ZNF141: variants seen among roughly 807,000 people sequenced by gnomAD.
ZNF141 encodes the protein zinc finger protein 141 (clone pHZ-44).
ZNF141 carries 7 observed loss-of-function variants against 11.3 expected under a neutral mutation model. That is an observed-to-expected ratio of 0.62 (90% CI 0.35 to 1.16). The LOEUF is 1.16. Ranked by LOEUF, ZNF141 falls within the 50% of genes most tolerant of loss-of-function variation. ZNF141 has a pLI of 0.02. For synonymous variants in ZNF141, 183 were observed against 190.7 expected, an observed-to-expected ratio of 0.96 and a Z score of 0.33; for missense variants, 535 against 554.0, an observed-to-expected ratio of 0.97 and a Z score of 0.34.
Position 380,491 on chromosome 4 carries a change from C to A in ZNF141, c.*6629C>A, listed in dbSNP as rs10026282. 0.48 allele frequency among the ~76,000 whole-genome samples: 73,295 copies of A among 151,572 alleles called. 19,646 individuals carry two copies. Among genetic ancestry groups the A allele is most frequent in the African/African-American group, 0.74 (30,490 of 41,328 alleles). ...ACATGGTGAAACCCCGTCTCTACTA[C>A]AAATATAAAAATTAGCTGGGTGTGG... On this transcript the variant is annotated 3_prime_UTR_variant, in exon 4 of 4. Coordinates refer to ENST00000240499, the MANE Select transcript of ZNF141 (RefSeq NM_003441.4).
intron 3 of ZNF141, among the ~76,000 whole-genome samples, chr4:366,373 A>G (rs1236342391): frequency 6.6e-6 from 1 of 152,246 alleles, no homozygotes; most frequent in Non-Finnish European, 1.5e-5. Flanking sequence ...CAATGGCACA[A>G]TATCAGTGCA....
In ZNF141 at chr4:382,144, C is replaced by A. The variant is rs1308927701; in HGVS notation, c.*8282C>A. Among the ~76,000 whole-genome samples the A allele has an allele frequency of 3.3e-5, 5 of 151,816 alleles. No homozygotes were observed. Among genetic ancestry groups the A allele is most frequent in the Non-Finnish European group, 7.4e-5 (5 of 67,990 alleles). ...TGTATTTTTAGTAGAGACGGGGTTT[C>A]ACCATGTTAGCCAACAAGGTCTTGA... is the stretch of plus-strand genomic sequence containing the variant. On this transcript the variant is annotated 3_prime_UTR_variant, in exon 4 of 4. Coordinates refer to ENST00000240499, the MANE Select transcript of ZNF141 (RefSeq NM_003441.4).
rs150666064 is a variant in ZNF141 at position 377,965 on chromosome 4, G to C, written c.*4103G>C. The C allele has an allele frequency of 6.6e-6, 1 of 152,254 alleles. No individual in the cohort carries two copies. The highest frequency in any genetic ancestry group is 1.9e-4 in the East Asian group (1 of 5,166). 9.4% of individuals were successfully genotyped at this position (152,254 alleles called of 1,614,324 possible). ...GTGGGTCATGAAGTCAAGAGAGCAA[G>C]ATCATCCTGGCAAACATGGTGAAAC... is the stretch of plus-strand genomic sequence containing the variant. On this transcript the variant is annotated 3_prime_UTR_variant, in exon 4 of 4. Coordinates refer to ENST00000240499, the MANE Select transcript of ZNF141 (RefSeq NM_003441.4).
At chr4:366,384 C>T (rs782599359) in intron 3 of ZNF141, among the ~76,000 whole-genome samples, 1 of 152,218 alleles carries the variant, frequency 6.6e-6, no homozygotes, top group South Asian at 2.1e-4. Flanking sequence ...TATCAGTGCA[C>T]CACAACCTCT....
At chr4:364,405 C>T (rs1440481050) in intron 3 of ZNF141, among the ~76,000 whole-genome samples, 7 of 152,116 alleles carry the variant, frequency 4.6e-5, no homozygotes, top group Admixed American at 1.3e-4. Context: ...CTGTTTCTTC[C>T]TGCTTTAGTC....
chr4:365,907 A>G (rs1202219645), intron 3 of ZNF141, among the ~76,000 whole-genome samples: 4 of 152,186 alleles, frequency 2.6e-5, no homozygotes, highest in Non-Finnish European at 5.9e-5. Flanking sequence ...TCTTTTTCCA[A>G]ATGTGTGTTC....
At chr4:355,012 C>G (rs1334870443) in intron 3 of ZNF141, among the ~76,000 whole-genome samples, 1 of 151,896 alleles carries the variant, frequency 6.6e-6, no homozygotes, top group East Asian at 1.9e-4. Flanking sequence ...ATAAATTATA[C>G]TGTTACTATC....
Position 372,948 on chromosome 4 carries a change from A to G in ZNF141, c.511A>G (p.Lys171Glu), listed in dbSNP as rs782248115. 2 of 1,614,016 alleles carry G rather than the reference A, an allele frequency of 1.2e-6. No homozygotes were observed. Among genetic ancestry groups the G allele is most frequent in the Non-Finnish European group, 1.7e-6 (2 of 1,180,000 alleles). Residue 171 changes from lysine to glutamate, a missense_variant, in exon 4 of 4, where the codon AAA becomes GAA. Lys to Glu is a moderately conservative substitution (Grantham distance 56). Transcript: ENST00000240499. ...NKRKTRHTGEKHFKECGKSFQ... is the reference protein window; with the variant it reads ...NKRKTRHTGEEHFKECGKSFQ... ...ACGTAAGACAAGACATACTGGAGAG[A>G]AACACTTTAAAGAATGTGGCAAATC... is the stretch of plus-strand genomic sequence containing the variant.
At chr4:339,582 C>G (rs1262652002) in intron 1 of ZNF141, among the ~76,000 whole-genome samples, 1 of 152,204 alleles carries the variant, frequency 6.6e-6, no homozygotes, top group Non-Finnish European at 1.5e-5. Context: ...AATGCTTTCT[C>G]TTTAGAATGA....
intron 3 of ZNF141, among the ~76,000 whole-genome samples, chr4:369,030 C>G (rs55783692): frequency 0.15 from 22,058 of 151,958 alleles, 2,178 homozygotes; most frequent in African/African-American, 0.28. Context: ...TATGAATATT[C>G]TGTCTTGTTT....
intron 3 of ZNF141, among the ~76,000 whole-genome samples, chr4:368,782 G>T (rs1169797416): frequency 1.3e-5 from 2 of 152,108 alleles, no homozygotes; most frequent in East Asian, 3.9e-4. Context: ...AGCTTTGTAT[G>T]TTTTTTGAAA....
intron 3 of ZNF141, among the ~76,000 whole-genome samples, chr4:363,490 G>A (rs575312842): frequency 6.6e-6 from 1 of 152,202 alleles, no homozygotes; most frequent in African/African-American, 2.4e-5. Context: ...GGCGCAGTGG[G>A]TTACGCCTGT....
intron 3 of ZNF141, among the ~76,000 whole-genome samples, chr4:348,575 G>A (rs1214201209): frequency 6.6e-6 from 1 of 151,880 alleles, no homozygotes; most frequent in Non-Finnish European, 1.5e-5. Flanking sequence ...ACTAGCTAGG[G>A]GTGGTAGTGG....
At chr4:354,379 A>G (rs1700478209) in intron 3 of ZNF141, among the ~76,000 whole-genome samples, 1 of 152,172 alleles carries the variant, frequency 6.6e-6, no homozygotes, top group African/African-American at 2.4e-5. Context: ...TTCAAGGCAA[A>G]GTTTTTGGGT....
chr4:339,411 A>T (rs1553848074), intron 1 of ZNF141, among the ~76,000 whole-genome samples: 2 of 152,112 alleles, frequency 1.3e-5, no homozygotes, highest in African/African-American at 2.4e-5. Context: ...TCTTGATAGC[A>T]CCTTTCTTCT....
chr4:369,752 ATATATATATATATTTT>A (rs1711943396), intron 3 of ZNF141, among the ~76,000 whole-genome samples: 1 of 36,674 alleles, frequency 2.7e-5, no homozygotes. Context: ...ATATATATAT[ATATATATATATATTTT>A]TTTTTTTTTT....
chr4:383,861 G>A lies in ZNF141; in HGVS notation c.*9999G>A, dbSNP rs1285060563. The stretch of plus-strand genomic sequence containing the variant: ...GGGGTAGCTGATAGGAACCTCAAAA[G>A]GAGTACTTAAAACCCAGAAAACATT... On this transcript the variant is annotated 3_prime_UTR_variant, in exon 4 of 4. Coordinates refer to ENST00000240499, the MANE Select transcript of ZNF141 (RefSeq NM_003441.4). 4 of 152,124 alleles carry A rather than the reference G, an allele frequency of 2.6e-5. No homozygotes were observed. The highest frequency in any genetic ancestry group is 7.2e-5 in the African/African-American group (3 of 41,418). The allele number at this position is 152,124 out of a possible 1,614,324, so 9.4% of individuals were successfully genotyped here.
chr4:346,731 C>T (rs1432821794), intron 3 of ZNF141, among the ~76,000 whole-genome samples: 1 of 152,122 alleles, frequency 6.6e-6, no homozygotes, highest in African/African-American at 2.4e-5. Context: ...TTTGTCTTTC[C>T]GTGTTTGGCT....
Position 383,262 on chromosome 4 carries a change from G to T in ZNF141, c.*9400G>T. 1 of 647,582 alleles carries T rather than the reference G, an allele frequency of 1.5e-6. No homozygotes were observed. The highest frequency in any genetic ancestry group is 1.7e-5 in the South Asian group (1 of 57,928). The allele number at this position is 647,582 out of a possible 1,614,324, so 40.1% of individuals were successfully genotyped here. ...TGAAGGAGCCAAACTGAGCCCAGAA[G>T]AATGGCCCGGCTGAGCCCAGCCTAA... On this transcript the variant is annotated 3_prime_UTR_variant, in exon 4 of 4. Coordinates refer to ENST00000240499, the MANE Select transcript of ZNF141 (RefSeq NM_003441.4).
Sources: gnomAD v4.1 joint callset for allele counts (sites outside exome capture counted in the v4.1 genomes callset) on GRCh38, gnomAD v4.1.1 for gene constraint, MANE v1.5 for transcripts, NCBI Gene and HGNC (gene_info 2026-07-23, HGNC 2026-07-21) for gene names.